Variants in SLIT3 observed in about 807,000 individuals in gnomAD.
The protein encoded by SLIT3 is slit homolog 3 protein.
SLIT3 carries 68 observed loss-of-function variants against 184.0 expected under a neutral mutation model. The observed-to-expected ratio is 0.37, with a 90% CI of 0.30 to 0.45. The LOEUF (loss-of-function observed/expected upper bound fraction) is 0.45, where lower values mean the gene tolerates loss of function less well. Ranked by LOEUF, SLIT3 falls within the 20% of genes least tolerant of loss-of-function variation. SLIT3 has a pLI of 1.00. For synonymous variants in SLIT3, 831 were observed against 828.6 expected (o/e 1.00, Z -0.05); for missense variants, 1,707 against 2,026.0 (o/e 0.84, Z 3.02).
chr5:168,817,226 C>T, intron 8 of SLIT3, 74 bp downstream of exon 8: 1 of 1,411,302 alleles, frequency 7.1e-7, no homozygotes, highest in Non-Finnish European at 1.0e-6. Flanking sequence ...TGTTCAAGGT[C>T]AGGGTGATGT....
intron 16 of SLIT3, among the ~76,000 whole-genome samples, chr5:168,757,465 A>G (rs549338740): frequency 3.5e-4 from 53 of 151,912 alleles, no homozygotes; most frequent in Middle Eastern, 3.4e-3. Flanking sequence ...ACGGAGTCTC[A>G]CTCTGTCCCC....
Position 168,722,972 on chromosome 5 carries a change from G to T in SLIT3, c.2372C>A (p.Thr791Asn), listed in dbSNP as rs773598112. The change falls in exon 22 of 36, where the codon ACC (threonine) becomes AAC (asparagine). Residue 791 changes from threonine (T) to asparagine (N), a missense_variant. Thr to Asn is a moderately conservative substitution (Grantham distance 65, BLOSUM62 0). This residue lies in a region of SLIT3 where 1,307 missense variants were observed against 1,511.6 expected (regional missense o/e 0.86). Coordinates refer to ENST00000519560, the MANE Select transcript of SLIT3 (RefSeq NM_003062.4). ...AGACATGTTACTGAAGGTGTAATTG[G>T]TCAGCATGCTGATGCTGTTGTTGCT... ...DLSNNSISML[T>N]NYTFSNMSHL... The T allele has an allele frequency of 8.1e-6, 13 of 1,613,924 alleles. No individual in the cohort carries two copies. The South Asian group carries it at 1.4e-4, about 18-fold the overall frequency.
chr5:169,232,542 T>C (rs1358443824), intron 3 of SLIT3, among the ~76,000 whole-genome samples: 1 of 152,180 alleles, frequency 6.6e-6, no homozygotes, highest in African/African-American at 2.4e-5. Flanking sequence ...ATTGTTATTT[T>C]CTAGAAGTGT....
chr5:168,756,268 C>T (rs1249303482), intron 16 of SLIT3, among the ~76,000 whole-genome samples: 3 of 152,208 alleles, frequency 2.0e-5, no homozygotes, highest in Non-Finnish European at 4.4e-5. Context: ...TCTGGGCTGA[C>T]CCACAACAAT....
intron 4 of SLIT3, among the ~76,000 whole-genome samples, chr5:169,109,509 A>G (rs1480845786): frequency 1.3e-5 from 2 of 152,230 alleles, no homozygotes; most frequent in Non-Finnish European, 2.9e-5. Context: ...CAGACTCCTG[A>G]CACATAGAAA....
chr5:169,262,915 T>C lies in SLIT3; in HGVS notation c.198-11456A>G, dbSNP rs116519033. ...GGGCTGAATTGTGTGCCTCAAAAGA[T>C]ATATTGAAGTCCTAACCCCAGCTAC... On this transcript the variant is annotated intron_variant, in intron 1 of 35. Transcript: ENST00000519560. Among the ~76,000 whole-genome samples the C allele has an allele frequency of 3.0e-3, 454 of 152,258 alleles. 7 individuals carry two copies. Among genetic ancestry groups the C allele is most frequent in the African/African-American group, 0.01 (430 of 41,550 alleles).
intron 4 of SLIT3, among the ~76,000 whole-genome samples, chr5:168,924,829 C>A (rs535175207): frequency 6.6e-6 from 1 of 152,216 alleles, no homozygotes; most frequent in South Asian, 2.1e-4. Flanking sequence ...GAGTTTTGAG[C>A]CTTGTTTCTA....
At chr5:168,890,712 G>C (rs1760422512) in intron 4 of SLIT3, among the ~76,000 whole-genome samples, 1 of 152,148 alleles carries the variant, frequency 6.6e-6, no homozygotes, top group African/African-American at 2.4e-5. Flanking sequence ...AACAAGGTTG[G>C]CCATGGGTTG....
At chr5:169,168,167 A>G (rs1173593633) in intron 4 of SLIT3, among the ~76,000 whole-genome samples, 1 of 152,016 alleles carries the variant, frequency 6.6e-6, no homozygotes, top group African/African-American at 2.4e-5. Context: ...TGGGCCCTTC[A>G]CTCTAAGCAC....
intron 23 of SLIT3, among the ~76,000 whole-genome samples, chr5:168,717,259 G>T (rs1412431981): frequency 7.3e-6 from 1 of 137,488 alleles, no homozygotes; most frequent in Admixed American, 7.5e-5. Flanking sequence ...CTGTGAAATG[G>T]GGATAACAGC....
chr5:168,790,660 C>G (rs1561934583), intron 10 of SLIT3: 1 of 152,124 alleles, frequency 6.6e-6, no homozygotes, highest in Non-Finnish European at 1.5e-5. Context: ...ATAAATGGGT[C>G]TTTGCTTTTG....
intron 4 of SLIT3, among the ~76,000 whole-genome samples, chr5:169,023,272 G>A (rs955624314): frequency 5.3e-5 from 8 of 152,186 alleles, no homozygotes; most frequent in African/African-American, 1.9e-4. Flanking sequence ...CTATGCAGAG[G>A]AGTGAGCATG....
At position 168,714,002 on chromosome 5, in the gene SLIT3, C is replaced by T. The variant is rs1762640913; in HGVS notation, c.2484-1648G>A. Among the ~76,000 whole-genome samples the T allele has an allele frequency of 3.3e-5, 5 of 152,300 alleles. No homozygotes were observed. In the South Asian group the frequency reaches 1.0e-3, roughly 32 times the overall value. On this transcript the variant is annotated intron_variant, in intron 23 of 35. Transcript: ENST00000519560. ...CCTCTTAGTTACCCTCCATTGATAT[C>T]CTCATCACCATCAGCTCCTTCTCCT...
chr5:168,813,021 C>T (rs1757213095), intron 8 of SLIT3, among the ~76,000 whole-genome samples: 1 of 152,140 alleles, frequency 6.6e-6, no homozygotes, highest in East Asian at 1.9e-4. Context: ...ATTTGGGGCA[C>T]CTGAAAAAGT....
intron 10 of SLIT3, among the ~76,000 whole-genome samples, chr5:168,795,087 T>C (rs989572923): frequency 3.9e-5 from 6 of 152,230 alleles, no homozygotes; most frequent in Non-Finnish European, 5.9e-5. Context: ...GTATTTGTTA[T>C]ATGAATGTAT....
chr5:168,999,916 T>A (rs938037137), intron 4 of SLIT3, among the ~76,000 whole-genome samples: 1 of 152,204 alleles, frequency 6.6e-6, no homozygotes, highest in Non-Finnish European at 1.5e-5. Flanking sequence ...TTGTGGCTCA[T>A]GGCTTGGAGT....
intron 4 of SLIT3, among the ~76,000 whole-genome samples, chr5:168,911,528 C>A (rs184709972): frequency 6.6e-6 from 1 of 152,184 alleles, no homozygotes. Context: ...GAAACCGGCT[C>A]GCCACATACA....
chr5:169,165,985 G>T (rs1401886404), intron 4 of SLIT3, among the ~76,000 whole-genome samples: 4 of 152,164 alleles, frequency 2.6e-5, no homozygotes, highest in African/African-American at 9.7e-5. Context: ...AACCTAAGAG[G>T]TAGGCACTAT....
intron 3 of SLIT3, among the ~76,000 whole-genome samples, chr5:169,226,837 C>T (rs1383548163): frequency 6.6e-6 from 1 of 152,124 alleles, no homozygotes; most frequent in Non-Finnish European, 1.5e-5. Flanking sequence ...GAATCGTGGC[C>T]TAGATTCACT....
Sources: allele counts gnomAD v4.1 joint callset (sites outside exome capture counted in the v4.1 genomes callset), GRCh38; gene constraint gnomAD v4.1.1; regional missense constraint gnomAD v4.1.1; transcripts MANE v1.5; gene names NCBI Gene and HGNC (gene_info 2026-07-23, HGNC 2026-07-21).